Variants in SPAG16 observed in about 807,000 individuals in gnomAD.
SPAG16 encodes sperm associated antigen 16.
In SPAG16, 86 loss-of-function variants were observed where a neutral mutation model predicts 80.4. That is an observed-to-expected ratio of 1.07 (90% CI 0.90 to 1.28). SPAG16 has a LOEUF of 1.28. SPAG16 is among the 50% of genes most tolerant of loss of function. The probability of loss-of-function intolerance (pLI) is 0.00; values close to 1 mark genes in which losing one functional copy is unlikely to be tolerated. For synonymous variants in SPAG16, 294 were observed against 265.9 expected (o/e 1.11, Z -1.03); for missense variants, 870 against 765.3 (o/e 1.14, Z -1.61).
intron 10 of SPAG16, among the ~76,000 whole-genome samples, chr2:213,523,392 T>A (rs2075762625): frequency 6.6e-6 from 1 of 152,218 alleles, no homozygotes; most frequent in Admixed American, 6.5e-5. Context: ...CTCAGGTATG[T>A]CTTCATTAGA....
At chr2:213,426,840 C>T (rs1327102221) in intron 9 of SPAG16, among the ~76,000 whole-genome samples, 24 of 21,774 alleles carry the variant, frequency 1.1e-3, no homozygotes, top group African/African-American at 3.1e-3. Context: ...GATACATACA[C>T]ACACACACAC....
chr2:213,324,766 C>T (rs904866772), intron 5 of SPAG16, among the ~76,000 whole-genome samples: 1 of 152,044 alleles, frequency 6.6e-6, no homozygotes, highest in African/African-American at 2.4e-5. Context: ...AGTGGAATTT[C>T]TGGATCAAGG....
intron 10 of SPAG16, among the ~76,000 whole-genome samples, chr2:213,760,232 A>C (rs1225178250): frequency 6.6e-6 from 1 of 152,204 alleles, no homozygotes; most frequent in Non-Finnish European, 1.5e-5. Context: ...AGAGGGACAG[A>C]AAAAGATTTC....
chr2:214,353,303 C>T (rs188295627), intron 15 of SPAG16, among the ~76,000 whole-genome samples: 4 of 152,022 alleles, frequency 2.6e-5, no homozygotes, highest in African/African-American at 7.2e-5. Flanking sequence ...GAAAAAAAAT[C>T]GACAGTGATT....
chr2:214,318,137 G>T (rs1377657196), intron 15 of SPAG16, among the ~76,000 whole-genome samples: 1 of 152,106 alleles, frequency 6.6e-6, no homozygotes, highest in Non-Finnish European at 1.5e-5. Context: ...TACTTCTGGT[G>T]GCCAAATCTG....
chr2:213,875,982 G>A (rs1401563252), intron 11 of SPAG16, among the ~76,000 whole-genome samples: 2 of 151,930 alleles, frequency 1.3e-5, no homozygotes, highest in Non-Finnish European at 2.9e-5. Context: ...CAAAACCTTA[G>A]TATATATATT....
rs533706577 is a variant in SPAG16, at chr2:213,410,991, C to G, written c.942+35872C>G. Among the ~76,000 whole-genome samples, 232 of 152,292 alleles carry G rather than the reference C, an allele frequency of 1.5e-3. 1 individual carries two copies. The highest frequency in any genetic ancestry group is 5.4e-3 in the African/African-American group (224 of 41,556). ...ATGACAGGGAGGAAACCTAGTGTTC[C>G]TTAGAGACCTGAAGGGATGCAGTGA... On this transcript the variant is annotated intron_variant, in intron 9 of 15. Transcript: ENST00000331683.
chr2:213,560,958 G>A (rs1318134644), intron 10 of SPAG16, among the ~76,000 whole-genome samples: 1 of 152,178 alleles, frequency 6.6e-6, no homozygotes, highest in Non-Finnish European at 1.5e-5. Flanking sequence ...CTGCATTCCA[G>A]GTTCAAGAGA....
intron 10 of SPAG16, among the ~76,000 whole-genome samples, chr2:213,776,337 G>C (rs1425840461): frequency 6.6e-6 from 1 of 152,152 alleles, no homozygotes; most frequent in Non-Finnish European, 1.5e-5. Flanking sequence ...AATTGGGAGA[G>C]GGCTATAAGC....
At chr2:213,763,950 G>A (rs1272538484) in intron 10 of SPAG16, among the ~76,000 whole-genome samples, 1 of 152,174 alleles carries the variant, frequency 6.6e-6, no homozygotes, top group African/African-American at 2.4e-5. Context: ...TGGGCTTCAG[G>A]AGGTGTGTGA....
chr2:213,684,168 GATTA>G (rs771830690), intron 10 of SPAG16, among the ~76,000 whole-genome samples: 5 of 152,176 alleles, frequency 3.3e-5, no homozygotes, highest in Non-Finnish European at 7.3e-5. Flanking sequence ...TTTCATTAAA[GATTA>G]ATTAACCCGA....
chr2:213,497,026 A>G (rs963913268), intron 10 of SPAG16, among the ~76,000 whole-genome samples: 2 of 151,872 alleles, frequency 1.3e-5, no homozygotes, highest in Non-Finnish European at 2.9e-5. Flanking sequence ...TCCCCTTAGG[A>G]AGGTGATAAT....
rs190406115 is a variant in SPAG16 at position 213,486,024 on chromosome 2, C to T, written c.943-3939C>T. Among the ~76,000 whole-genome samples, 4 of 152,170 alleles carry T rather than the reference C, an allele frequency of 2.6e-5. 1 individual carries two copies. The highest frequency in any genetic ancestry group is 4.2e-4 in the South Asian group (2 of 4,814). ...CTCATATAATTTGTAAAGTTCACAT[C>T]AGTATAATTGAGGTACCCATCACCT... is the stretch of plus-strand genomic sequence containing the variant. On this transcript the variant is annotated intron_variant, in intron 9 of 15. Coordinates refer to ENST00000331683, the MANE Select transcript of SPAG16 (RefSeq NM_024532.5).
chr2:213,865,007 G>A (rs986299756), intron 11 of SPAG16, among the ~76,000 whole-genome samples: 5 of 151,868 alleles, frequency 3.3e-5, no homozygotes, highest in Admixed American at 1.3e-4. Context: ...AAAAAATCTC[G>A]TAAAACAAGA....
chr2:214,226,906 T>G (rs2125789682), intron 15 of SPAG16, among the ~76,000 whole-genome samples: 1 of 152,156 alleles, frequency 6.6e-6, no homozygotes, highest in South Asian at 2.1e-4. Flanking sequence ...TATCTTATAC[T>G]TTTTCTCTTT....
chr2:214,360,249 T>A (rs1699098673), intron 15 of SPAG16, among the ~76,000 whole-genome samples: 1 of 151,876 alleles, frequency 6.6e-6, no homozygotes, highest in Non-Finnish European at 1.5e-5. Flanking sequence ...TTATTAGATA[T>A]TTCCTAGATT....
chr2:213,586,599 A>T (rs946570107), intron 10 of SPAG16, among the ~76,000 whole-genome samples: 2 of 152,218 alleles, frequency 1.3e-5, no homozygotes, highest in Non-Finnish European at 2.9e-5. Flanking sequence ...AGCCCCAAAA[A>T]TCTTAACTCA....
intron 10 of SPAG16, among the ~76,000 whole-genome samples, chr2:213,566,038 T>C (rs906303168): frequency 1.3e-5 from 2 of 152,146 alleles, no homozygotes; most frequent in African/African-American, 4.8e-5. Flanking sequence ...CTAGAGGTCA[T>C]GGTGACTGGA....
At chr2:214,346,195 G>A (rs1411493144) in intron 15 of SPAG16, among the ~76,000 whole-genome samples, 1 of 152,128 alleles carries the variant, frequency 6.6e-6, no homozygotes, top group African/African-American at 2.4e-5. Context: ...TGTCAGTCTT[G>A]TAAATTCTAA....
Sources: allele counts gnomAD v4.1 joint callset (sites outside exome capture counted in the v4.1 genomes callset), GRCh38; gene constraint gnomAD v4.1.1; transcripts MANE v1.5; gene names NCBI Gene and HGNC (gene_info 2026-07-23, HGNC 2026-07-21).